The following ZBTB14 variants were observed in gnomAD, a reference collection of about 807,000 sequenced individuals.
ZBTB14 encodes zinc finger and BTB domain containing 14.
ZBTB14 carries 8 observed loss-of-function variants against 29.5 expected under a neutral mutation model. The ratio of observed to expected loss-of-function variants is 0.27; its 90% CI spans 0.16 to 0.49. The LOEUF is 0.49. Ranked by LOEUF, ZBTB14 falls within the 20% of genes least tolerant of loss-of-function variation. The pLI is 0.99. For synonymous variants in ZBTB14, 226 were observed against 207.2 expected (o/e 1.09, Z -0.78); for missense variants, 333 against 563.8 (o/e 0.59, Z 4.15).
upstream of ZBTB14, chr18:5,296,314 A>G (rs1469550469): frequency 6.7e-6 from 1 of 150,124 alleles, no homozygotes; most frequent in African/African-American, 2.4e-5. Flanking sequence ...TTCGGGAGCC[A>G]GGGAACTTAA....
intron 1 of ZBTB14, among the ~76,000 whole-genome samples, chr18:5,295,355 G>A (rs1332138486): frequency 7.0e-6 from 1 of 143,360 alleles, no homozygotes; most frequent in African/African-American, 2.5e-5. Flanking sequence ...CGTGCGCTGG[G>A]TCCCGGCCCC....
chr18:5,296,535 G>A (rs187991425), upstream of ZBTB14, among the ~76,000 whole-genome samples: 907 of 151,784 alleles, frequency 6.0e-3, 13 homozygotes, highest in African/African-American at 0.02. Flanking sequence ...CGGAGCGGGC[G>A]CCCCGGCCAC....
intron 3 of ZBTB14, 78 bp from the exon 4 acceptor site, chr18:5,292,282 G>A: frequency 2.5e-6 from 3 of 1,213,034 alleles, no homozygotes; most frequent in African/African-American, 1.5e-5. Context: ...TTCATTTCCT[G>A]GTCAATCTAT....
upstream of ZBTB14, chr18:5,296,151 A>C (rs1350661164): frequency 6.6e-6 from 1 of 150,918 alleles, no homozygotes; most frequent in African/African-American, 2.4e-5. Flanking sequence ...GCGAGCAAAG[A>C]AAGGGTTAAT....
At chr18:5,292,540 A>G (rs541719029) in intron 3 of ZBTB14, among the ~76,000 whole-genome samples, 14 of 152,336 alleles carry the variant, frequency 9.2e-5, no homozygotes, top group African/African-American at 3.4e-4. Context: ...AATCTGCCCA[A>G]TATTCTATAG....
rs758347863 is a variant in ZBTB14 at position 5,291,572 on chromosome 18, C to T, written c.636G>A (p.Lys212=). ...LKELGSEEVR[K]VNCYGQEVES... ...CTACTTCCTGGCCGTAGCAATTGAC[C>T]TTCCGAACTTCCTCACTCCCCAGCT... The change falls in exon 4 of 4, where the codon AAG becomes AAA. Residue 212 remains lysine, a synonymous_variant. Coordinates refer to ENST00000651870, the MANE Select transcript of ZBTB14 (RefSeq NM_001243702.2). The surrounding 1 kb of genome is among the most constrained non-coding windows in gnomAD (Gnocchi z 5.8). 1.9e-6 allele frequency: 3 copies of T among 1,613,764 alleles called. No individual in the cohort carries two copies. Among genetic ancestry groups the T allele is most frequent in the South Asian group, 2.2e-5 (2 of 91,080 alleles).
At position 5,289,385 on chromosome 18, in the gene ZBTB14, G is replaced by A. The variant is rs1451654584; in HGVS notation, c.*1473C>T. On this transcript the variant is annotated 3_prime_UTR_variant, in exon 4 of 4. Coordinates refer to ENST00000651870, the MANE Select transcript of ZBTB14 (RefSeq NM_001243702.2). ...GTGTTAATGCAACAAGCTATGAAGT[G>A]AAATTACTTTAATTTTTTTAAAAGA... The A allele has an allele frequency of 2.0e-5, 3 of 152,166 alleles. No homozygotes were observed. The highest frequency in any genetic ancestry group is 7.2e-5 in the African/African-American group (3 of 41,442). 9.4% of individuals were successfully genotyped at this position (152,166 alleles called of 1,614,324 possible).
chr18:5,296,898 A>G (rs563196198), upstream of ZBTB14: 4 of 152,114 alleles, frequency 2.6e-5, no homozygotes, highest in South Asian at 8.3e-4. Context: ...GCTCAGCGCC[A>G]GTAATGGCTC....
rs1390367865 is a variant in ZBTB14 at position 5,290,275 on chromosome 18, T to A, written c.*583A>T. ...ACACTTCAGCAAAGCAACCATTATTTGTCCACAAAAACAGTGAAAAACAGT... is the reference window on the plus strand; with the variant it reads ...ACACTTCAGCAAAGCAACCATTATTAGTCCACAAAAACAGTGAAAAACAGT... On this transcript the variant is annotated 3_prime_UTR_variant, in exon 4 of 4. Coordinates refer to ENST00000651870, the MANE Select transcript of ZBTB14 (RefSeq NM_001243702.2). The A allele has an allele frequency of 6.6e-6, 1 of 152,466 alleles. No homozygotes were observed. Among genetic ancestry groups the A allele is most frequent in the East Asian group, 1.9e-4 (1 of 5,198 alleles). 9.4% of individuals were successfully genotyped at this position (152,466 alleles called of 1,614,324 possible).
rs1368827365 is a variant in ZBTB14, at chr18:5,295,448, G to C, written c.-112+204C>G. 4.1e-5 allele frequency among the ~76,000 whole-genome samples: 6 copies of C among 145,306 alleles called. No individual in the cohort carries two copies. The South Asian group carries it at 1.3e-3, about 30-fold the overall frequency. ...CCCGGCGGGCCGCGCTCCGCGCTGG[G>C]TTCGGGCCGTCCCCACCCCCACCGC... On this transcript the variant is annotated intron_variant, in intron 1 of 3. Coordinates refer to ENST00000651870, the MANE Select transcript of ZBTB14 (RefSeq NM_001243702.2).
chr18:5,293,675 C>T (rs1598347342), intron 2 of ZBTB14: 1 of 159,182 alleles, frequency 6.3e-6, no homozygotes, highest in East Asian at 1.8e-4. Flanking sequence ...TGCACCGTGC[C>T]CCCTACACCT....
In ZBTB14 at chr18:5,290,061, G is replaced by A. The variant is rs1430593265; in HGVS notation, c.*797C>T. On this transcript the variant is annotated 3_prime_UTR_variant, in exon 4 of 4. Transcript: ENST00000651870. The stretch of plus-strand genomic sequence containing the variant: ...CATGTAAAAAACCTTATCTCTGAGA[G>A]CCTTTTCTATTCTTCTTACCACAGG... 6.6e-6 allele frequency: 1 copy of A among 152,184 alleles called. No individual in the cohort carries two copies. Among genetic ancestry groups the A allele is most frequent in the Non-Finnish European group, 1.5e-5 (1 of 68,040 alleles). 9.4% of individuals were successfully genotyped at this position (152,184 alleles called of 1,614,324 possible).
chr18:5,296,333 G>C (rs1219363456), upstream of ZBTB14: 1 of 150,132 alleles, frequency 6.7e-6, no homozygotes, highest in East Asian at 2.0e-4. Flanking sequence ...AAGCACGAGC[G>C]CTGCTCGCGG....
At chr18:5,296,341 C>G (rs937929133), upstream of ZBTB14, 6 of 150,050 alleles carry the variant, frequency 4.0e-5, no homozygotes, top group African/African-American at 1.2e-4. Flanking sequence ...GCGCTGCTCG[C>G]GGACACCCGC....
At position 5,290,746 on chromosome 18, in the gene ZBTB14, A is replaced by T; in HGVS notation, c.*112T>A. On this transcript the variant is annotated 3_prime_UTR_variant, in exon 4 of 4. Coordinates refer to ENST00000651870, the MANE Select transcript of ZBTB14 (RefSeq NM_001243702.2). ...ACCAAGCACTGCCTTAAGTCCAGTG[A>T]GTACAATGTTCCATACGTTTCCACA... 2.7e-6 allele frequency: 4 copies of T among 1,470,044 alleles called. No individual in the cohort carries two copies. Among genetic ancestry groups the T allele is most frequent in the Non-Finnish European group, 3.7e-6 (4 of 1,093,366 alleles). 91.1% of individuals were successfully genotyped at this position (1,470,044 alleles called of 1,614,324 possible).
Position 5,289,841 on chromosome 18 carries a change from TTAAG to T in ZBTB14, c.*1013_*1016del, listed in dbSNP as rs1248509553. 1.3e-5 allele frequency: 2 copies of T among 152,468 alleles called. No homozygotes were observed. Among genetic ancestry groups the T allele is most frequent in the African/African-American group, 4.8e-5 (2 of 41,440 alleles). The allele number at this position is 152,468 out of a possible 1,614,324, so 9.4% of individuals were successfully genotyped here. A position where few individuals can be genotyped will look rare whatever the true frequency, so the allele number is the denominator to read the frequency against. The stretch of plus-strand genomic sequence containing the variant: ...CTTAAAAGATTTTAAATTTATTAAT[TTAAG>T]TAAGCATACTGCATCTCCTTTATGG... On this transcript the variant is annotated 3_prime_UTR_variant, in exon 4 of 4. Coordinates refer to ENST00000651870, the MANE Select transcript of ZBTB14 (RefSeq NM_001243702.2).
Position 5,291,548 on chromosome 18 carries a change from T to C in ZBTB14, c.660A>G (p.Val220=). The part of the protein sequence containing the change: ...VRKVNCYGQE[V]ESMETPESKD... The stretch of plus-strand genomic sequence containing the variant: ...TTGATTCTGGGGTCTCCATGGATTC[T>C]ACTTCCTGGCCGTAGCAATTGACCT... Residue 220 remains valine (V), a synonymous_variant, in exon 4 of 4, where the codon GTA becomes GTG. Coordinates refer to ENST00000651870, the MANE Select transcript of ZBTB14 (RefSeq NM_001243702.2). This position sits in a 1 kb window ranked among gnomAD's most constrained non-coding sequence, Gnocchi z 5.8. 1 of 1,614,118 alleles carries C rather than the reference T, an allele frequency of 6.2e-7. No homozygotes were observed. The highest frequency in any genetic ancestry group is 8.5e-7 in the Non-Finnish European group (1 of 1,180,034).
chr18:5,291,792 T>A lies in ZBTB14; in HGVS notation c.416A>T (p.Gln139Leu). The A allele has an allele frequency of 1.2e-6, 2 of 1,613,832 alleles. No homozygotes were observed. Among genetic ancestry groups the A allele is most frequent in the Non-Finnish European group, 1.7e-6 (2 of 1,179,862 alleles). The change falls in exon 4 of 4, where the codon CAG (glutamine) becomes CTG (leucine). Residue 139 changes from glutamine (Q) to leucine (L), a missense_variant. Gln to Leu is a moderately radical substitution (Grantham distance 113). This residue lies in a region of ZBTB14 where 126 missense variants were observed against 132.2 expected (regional missense o/e 0.95). Transcript: ENST00000651870. This position sits in a 1 kb window ranked among gnomAD's most constrained non-coding sequence, Gnocchi z 5.8. ...DVSSPDENNGQSKSKYCLKIN... is the reference protein window; with the variant it reads ...DVSSPDENNGLSKSKYCLKIN... Reference sequence around the variant, plus strand: ...TTTAAGGCAATACTTACTTTTGGACTGACCATTGTTTTCATCGGGACTGGA... The same window carrying A: ...TTTAAGGCAATACTTACTTTTGGACAGACCATTGTTTTCATCGGGACTGGA...
Position 5,289,880 on chromosome 18 carries a change from G to A in ZBTB14, c.*978C>T, listed in dbSNP as rs778213903. On this transcript the variant is annotated 3_prime_UTR_variant, in exon 4 of 4. Coordinates refer to ENST00000651870, the MANE Select transcript of ZBTB14 (RefSeq NM_001243702.2). ...TGCATCTCCTTTATGGATAAATCAT[G>A]TGCCCCACAGAGCCCCAAAGCTTGA... 1.3e-5 allele frequency: 2 copies of A among 152,386 alleles called. No individual in the cohort carries two copies. Among genetic ancestry groups the A allele is most frequent in the African/African-American group, 2.4e-5 (1 of 41,412 alleles). 9.4% of individuals were successfully genotyped at this position (152,386 alleles called of 1,614,324 possible). A position where few individuals can be genotyped will look rare whatever the true frequency, so the allele number is the denominator to read the frequency against.
Sources: allele counts gnomAD v4.1 joint callset (sites outside exome capture counted in the v4.1 genomes callset), GRCh38; gene constraint gnomAD v4.1.1; regional missense constraint gnomAD v4.1.1; non-coding constraint Gnocchi (gnomAD v3.1); transcripts MANE v1.5; gene names NCBI Gene and HGNC (gene_info 2026-07-23, HGNC 2026-07-21).